Variants in CTNNA2 observed in about 807,000 individuals in gnomAD.
The protein encoded by CTNNA2 is catenin alpha-2.
A neutral mutation model predicts 101.0 loss-of-function variants in CTNNA2; 42 were observed. That is an observed-to-expected ratio of 0.42 (90% CI 0.32 to 0.54). CTNNA2 has a LOEUF of 0.54. CTNNA2 is among the 20% of genes least tolerant of loss of function. The pLI, the probability that CTNNA2 is intolerant of heterozygous loss-of-function variation, is 0.14. For synonymous variants in CTNNA2, 450 were observed against 456.4 expected (o/e 0.99, Z 0.18); for missense variants, 871 against 1,223.1 (o/e 0.71, Z 4.29).
intron 7 of CTNNA2, among the ~76,000 whole-genome samples, chr2:80,285,932 A>G (rs1334874329): frequency 6.6e-6 from 1 of 152,152 alleles, no homozygotes; most frequent in Non-Finnish European, 1.5e-5. Context: ...TCAAAATTGC[A>G]TCTAATCCAC....
intron 7 of CTNNA2, among the ~76,000 whole-genome samples, chr2:80,020,225 A>G (rs13409119): frequency 0.059 from 9,032 of 152,234 alleles, 774 homozygotes; most frequent in African/African-American, 0.19. Flanking sequence ...TTTGCAAAAG[A>G]CCAAGGGGAA....
At chr2:79,633,401 A>T (rs1224859585) in intron 1 of CTNNA2, among the ~76,000 whole-genome samples, 1 of 152,206 alleles carries the variant, frequency 6.6e-6, no homozygotes, top group African/African-American at 2.4e-5. Context: ...GTTTGGCTGC[A>T]TCTCCAAACT....
chr2:79,520,078 A>G (rs1672022473), intron 1 of CTNNA2, among the ~76,000 whole-genome samples: 1 of 152,192 alleles, frequency 6.6e-6, no homozygotes, highest in South Asian at 2.1e-4. Flanking sequence ...CTTCCTACCA[A>G]TCCAGCTCCA....
intron 9 of CTNNA2, among the ~76,000 whole-genome samples, chr2:80,543,595 C>T (rs1347529600): frequency 1.3e-5 from 2 of 152,164 alleles, no homozygotes; most frequent in Non-Finnish European, 2.9e-5. Flanking sequence ...TTCTATCACC[C>T]TCAACCCATC....
rs902575856 is a variant in CTNNA2, at chr2:80,406,934, T to C, written c.1138-12515T>C. 3.9e-5 allele frequency among the ~76,000 whole-genome samples: 6 copies of C among 152,112 alleles called. 1 individual carries two copies. The East Asian group carries it at 5.8e-4, about 15-fold the overall frequency. Reference sequence around the variant, plus strand: ...AGCTTGCCTGCTGCTCTGGGTGCATTCTCTATGTGTTTGGGCGGTCTGTGG... The same window carrying C: ...AGCTTGCCTGCTGCTCTGGGTGCATCCTCTATGTGTTTGGGCGGTCTGTGG... On this transcript the variant is annotated intron_variant, in intron 8 of 18. Transcript: ENST00000402739.
intron 7 of CTNNA2, among the ~76,000 whole-genome samples, chr2:80,057,432 T>C (rs1217489357): frequency 6.6e-6 from 1 of 152,194 alleles, no homozygotes; most frequent in Non-Finnish European, 1.5e-5. Context: ...TTTTAGGCCC[T>C]AAATGTTAAT....
intron 2 of CTNNA2, among the ~76,000 whole-genome samples, chr2:79,290,983 G>A (rs1385578627): frequency 6.6e-6 from 1 of 152,168 alleles, no homozygotes; most frequent in Non-Finnish European, 1.5e-5. Context: ...TGGGGCTTCA[G>A]AGGCTGTAAA....
chr2:79,869,459 G>A (rs958371326), intron 4 of CTNNA2, among the ~76,000 whole-genome samples: 4 of 151,910 alleles, frequency 2.6e-5, no homozygotes, highest in Non-Finnish European at 4.4e-5. Context: ...TCTTCTGAAG[G>A]CTTCTAGAAT....
chr2:79,740,504 G>A (rs1671216915), intron 2 of CTNNA2, among the ~76,000 whole-genome samples: 1 of 152,062 alleles, frequency 6.6e-6, no homozygotes, highest in African/African-American at 2.4e-5. Flanking sequence ...TCTAGACTGA[G>A]ACTCTTGAAT....
chr2:80,599,401 A>G (rs1039770051), intron 15 of CTNNA2, among the ~76,000 whole-genome samples: 2 of 152,206 alleles, frequency 1.3e-5, no homozygotes, highest in African/African-American at 4.8e-5. Flanking sequence ...CCCTTGCTAC[A>G]TAAGCCAAAT....
At chr2:79,574,550 C>T (rs1675668219) in intron 1 of CTNNA2, among the ~76,000 whole-genome samples, 1 of 152,150 alleles carries the variant, frequency 6.6e-6, no homozygotes, top group Non-Finnish European at 1.5e-5. Flanking sequence ...ACATGATCTC[C>T]TTCATTTTTA....
At chr2:80,415,132 T>A (rs1280266396) in intron 8 of CTNNA2, among the ~76,000 whole-genome samples, 1 of 152,206 alleles carries the variant, frequency 6.6e-6, no homozygotes, top group Non-Finnish European at 1.5e-5. Flanking sequence ...GAATTACATT[T>A]CTTAATAATG....
At chr2:79,411,425 G>C (rs1276690989) in intron 4 of CTNNA2, among the ~76,000 whole-genome samples, 30 of 151,776 alleles carry the variant, frequency 2.0e-4, no homozygotes, top group Middle Eastern at 3.4e-3. Context: ...CCTGCTTTCT[G>C]TTGTGGGCAT....
intron 4 of CTNNA2, among the ~76,000 whole-genome samples, chr2:79,408,672 G>A (rs1214432449): frequency 3.9e-5 from 6 of 152,062 alleles, no homozygotes; most frequent in Non-Finnish European, 8.8e-5. Flanking sequence ...GTGTAAATGT[G>A]CCACATTTTC....
chr2:79,749,024 A>G (rs774779220), intron 3 of CTNNA2, among the ~76,000 whole-genome samples: 67 of 152,250 alleles, frequency 4.4e-4, no homozygotes, highest in Middle Eastern at 3.4e-3. Flanking sequence ...GGCTGGCAGA[A>G]GAACCATAAC....
At chr2:79,291,738 GTGA>G (rs1675822354) in intron 2 of CTNNA2, among the ~76,000 whole-genome samples, 1 of 152,196 alleles carries the variant, frequency 6.6e-6, no homozygotes, top group Non-Finnish European at 1.5e-5. Context: ...TACATTATTT[GTGA>G]ATAGTCTCCT....
At chr2:79,810,351 C>T (rs755658197) in intron 3 of CTNNA2, among the ~76,000 whole-genome samples, 8 of 151,926 alleles carry the variant, frequency 5.3e-5, no homozygotes, top group South Asian at 2.1e-4. Context: ...CATTAGATCT[C>T]GTGAGACTTA....
At chr2:79,258,937 A>G (rs924497162) in intron 2 of CTNNA2, among the ~76,000 whole-genome samples, 1 of 151,180 alleles carries the variant, frequency 6.6e-6, no homozygotes, top group Non-Finnish European at 1.5e-5. Context: ...CAAGTTAAAG[A>G]TAAGTGAGGC....
chr2:80,495,722 T>C (rs1224102922), intron 9 of CTNNA2, among the ~76,000 whole-genome samples: 1 of 152,026 alleles, frequency 6.6e-6, no homozygotes, highest in Non-Finnish European at 1.5e-5. Context: ...GCAGATTACC[T>C]GAGGTCAGGA....
Sources: gnomAD v4.1 joint callset for allele counts (sites outside exome capture counted in the v4.1 genomes callset) on GRCh38, gnomAD v4.1.1 for gene constraint, MANE v1.5 for transcripts, NCBI Gene and HGNC (gene_info 2026-07-23, HGNC 2026-07-21) for gene names.